Variants in NIPAL3 observed in about 807,000 individuals in gnomAD.
NIPAL3 encodes the protein NIPA-like protein 3.
Under a neutral mutation model 47.2 loss-of-function variants are expected in NIPAL3, and 41 were observed. That is an observed-to-expected ratio of 0.87 (90% CI 0.68 to 1.13). The LOEUF (loss-of-function observed/expected upper bound fraction) is 1.13. Among genes scored for constraint, NIPAL3 ranks in the 50% most tolerant of loss-of-function variants. The pLI is 0.00. For synonymous variants in NIPAL3, 194 were observed against 209.6 expected (o/e 0.93, Z 0.64); for missense variants, 449 against 530.1 (o/e 0.85, Z 1.50).
At chr1:24,467,572 A>G (rs1488648195) in intron 11 of NIPAL3, among the ~76,000 whole-genome samples, 1 of 152,238 alleles carries the variant, frequency 6.6e-6, no homozygotes, top group Non-Finnish European at 1.5e-5. Flanking sequence ...GATCCCAGGC[A>G]AATTACATGC....
intron 8 of NIPAL3, 26 bp from the exon 9 acceptor site, chr1:24,458,862 C>G (rs368503913): frequency 8.8e-6 from 14 of 1,596,236 alleles, no homozygotes; most frequent in African/African-American, 4.0e-5. Flanking sequence ...CCACAGCCCA[C>G]TGACTGGAGT....
At chr1:24,467,916 C>T (rs1184841270) in intron 11 of NIPAL3, among the ~76,000 whole-genome samples, 2 of 152,188 alleles carry the variant, frequency 1.3e-5, no homozygotes, top group Non-Finnish European at 2.9e-5. Flanking sequence ...TAGATGTCAG[C>T]TGTTATTATC....
chr1:24,419,653 T>C lies in NIPAL3; in HGVS notation c.93+13T>C, dbSNP rs896205168. The C allele has an allele frequency of 1.9e-6, 3 of 1,611,250 alleles. No homozygotes were observed. The highest frequency in any genetic ancestry group is 2.2e-5 in the East Asian group (1 of 44,848). On this transcript the variant is annotated intron_variant, in intron 2 of 11. Coordinates refer to ENST00000374399, the MANE Select transcript of NIPAL3 (RefSeq NM_020448.5). ...CTTCTCCTACAAGGCAAGGGCTTTT[T>C]TGGGGTTTGGGAATTTGTATTTTCC...
rs778104359 is a variant in NIPAL3 at position 24,419,630 on chromosome 1, TCTC to T, written c.86_88del (p.Ser29del). 5 of 1,613,826 alleles carry T rather than the reference TCTC, an allele frequency of 3.1e-6. No individual in the cohort carries two copies. In the South Asian group the frequency reaches 4.4e-5, roughly 14 times the overall value. On this transcript the variant is annotated inframe_deletion, in exon 2 of 12. Coordinates refer to ENST00000374399, the MANE Select transcript of NIPAL3 (RefSeq NM_020448.5). The stretch of plus-strand genomic sequence containing the variant: ...TCCAGCGCCGTAAGCGAGGCCTCCT[TCTC>T]CTACAAGGCAAGGGCTTTTTTGGGG...
At chr1:24,466,160 C>T in intron 11 of NIPAL3, 1 of 1,482,994 alleles carries the variant, frequency 6.7e-7, no homozygotes, top group Non-Finnish European at 9.2e-7. Context: ...AGGAACTAGC[C>T]TGGCACTCTC....
At position 24,416,756 on chromosome 1, in the gene NIPAL3, A is replaced by G. The variant is rs1006117222; in HGVS notation, c.-258+852A>G. On this transcript the variant is annotated intron_variant, in intron 1 of 11. Coordinates refer to ENST00000374399, the MANE Select transcript of NIPAL3 (RefSeq NM_020448.5). This position sits in a 1 kb window ranked among gnomAD's most constrained non-coding sequence, Gnocchi z 4.8. ...TCTTATAAGGGAGTACAGCTTGCAA[A>G]GGGTTCCTCCAGGCTTTCAGTCCGG... 6.6e-6 allele frequency: 1 copy of G among 152,204 alleles called. No homozygotes were observed. Among genetic ancestry groups the G allele is most frequent in the African/African-American group, 2.4e-5 (1 of 41,430 alleles). 9.4% of individuals were successfully genotyped at this position (152,204 alleles called of 1,614,324 possible). A position where few individuals can be genotyped will look rare whatever the true frequency, so the allele number is the denominator to read the frequency against.
Position 24,415,816 on chromosome 1 carries a change from TGAA to T in NIPAL3, c.-344_-342del. 2 of 984,222 alleles carry T rather than the reference TGAA, an allele frequency of 2.0e-6. No homozygotes were observed. Among genetic ancestry groups the T allele is most frequent in the Non-Finnish European group, 2.4e-6 (2 of 828,826 alleles). The allele number at this position is 984,222 out of a possible 1,614,324, so 61.0% of individuals were successfully genotyped here. ...TTGGCAGCTCTGAATTGGGAAGGGA[TGAA>T]GGAGGCTGTGCCTCCGGGTTGCACG... On this transcript the variant is annotated 5_prime_UTR_variant, in exon 1 of 12. Coordinates refer to ENST00000374399, the MANE Select transcript of NIPAL3 (RefSeq NM_020448.5).
At chr1:24,447,974 T>C (rs1645751304) in intron 5 of NIPAL3, among the ~76,000 whole-genome samples, 1 of 152,258 alleles carries the variant, frequency 6.6e-6, no homozygotes. Context: ...AGACCTGTGT[T>C]GGACGCTGCA....
At position 24,465,877 on chromosome 1, in the gene NIPAL3, G is replaced by C. The variant is rs1451091571; in HGVS notation, c.1021+1757G>C. On this transcript the variant is annotated intron_variant, in intron 11 of 11. Coordinates refer to ENST00000374399, the MANE Select transcript of NIPAL3 (RefSeq NM_020448.5). Reference sequence around the variant, plus strand: ...AAACCTTTGGAAGTTTCACACACTTGTTTGACCTGGTGGCAGGTAGAACAT... The same window carrying C: ...AAACCTTTGGAAGTTTCACACACTTCTTTGACCTGGTGGCAGGTAGAACAT... 2.2e-6 allele frequency: 3 copies of C among 1,371,928 alleles called. No individual in the cohort carries two copies. The Admixed American group carries it at 9.4e-5, about 43-fold the overall frequency. The allele number at this position is 1,371,928 out of a possible 1,614,324, so 85.0% of individuals were successfully genotyped here.
intron 2 of NIPAL3, among the ~76,000 whole-genome samples, chr1:24,430,268 G>A (rs1644818658): frequency 6.8e-6 from 1 of 146,112 alleles, no homozygotes; most frequent in African/African-American, 2.6e-5. Context: ...TTGAGACAGA[G>A]TCTCACTCTT....
chr1:24,466,872 T>TG (rs976719905), intron 11 of NIPAL3, among the ~76,000 whole-genome samples: 12 of 152,188 alleles, frequency 7.9e-5, no homozygotes, highest in Admixed American at 5.2e-4. Context: ...ACTCTTAAAC[T>TG]GTGCCCTTCA....
chr1:24,437,361 A>T (rs181477675), intron 2 of NIPAL3, among the ~76,000 whole-genome samples: 1 of 152,224 alleles, frequency 6.6e-6, no homozygotes. Flanking sequence ...TTTGAATAAC[A>T]TATTTCTTTT....
chr1:24,436,788 C>G (rs371030649), intron 2 of NIPAL3, among the ~76,000 whole-genome samples: 2 of 151,912 alleles, frequency 1.3e-5, no homozygotes, highest in Non-Finnish European at 2.9e-5. Flanking sequence ...CGTGAGCCAC[C>G]GCGCCCAGCC....
At chr1:24,435,803 G>A (rs1314656207) in intron 2 of NIPAL3, among the ~76,000 whole-genome samples, 1 of 152,318 alleles carries the variant, frequency 6.6e-6, no homozygotes, top group African/African-American at 2.4e-5. Context: ...AGTCCCAACA[G>A]GGGAGTTGAG....
At position 24,456,238 on chromosome 1, in the gene NIPAL3, C is replaced by T. The variant is rs756410628; in HGVS notation, c.738C>T (p.Phe246=). 1.9e-6 allele frequency: 3 copies of T among 1,614,096 alleles called. No individual in the cohort carries two copies. The highest frequency in any genetic ancestry group is 1.1e-5 in the South Asian group (1 of 91,080). ...ACTACCCCATCTTCTACGTGATGTT[C>T]GTGTGCATGGTGGCAACCGCCGTCT... The part of the protein sequence containing the change: ...QLDYPIFYVM[F]VCMVATAVYQ... Residue 246 remains phenylalanine (F), a synonymous_variant, in exon 8 of 12, where the codon TTC becomes TTT. Transcript: ENST00000374399.
intron 2 of NIPAL3, among the ~76,000 whole-genome samples, chr1:24,429,942 G>T (rs142817275): frequency 6.6e-6 from 1 of 152,150 alleles, no homozygotes. Context: ...GTTCAGAAGA[G>T]TTTATTTATT....
At chr1:24,422,870 C>G (rs1644395286) in intron 2 of NIPAL3, among the ~76,000 whole-genome samples, 1 of 152,342 alleles carries the variant, frequency 6.6e-6, no homozygotes, top group African/African-American at 2.4e-5. Context: ...CTTTTCCTAT[C>G]TAGCCTTTTT....
intron 9 of NIPAL3, among the ~76,000 whole-genome samples, chr1:24,459,798 C>T (rs371742061): frequency 2.0e-5 from 3 of 152,188 alleles, no homozygotes; most frequent in Non-Finnish European, 4.4e-5. Context: ...GGTCAAGAAG[C>T]GTGAAGTCCA....
rs56978150 is a variant in NIPAL3, at chr1:24,454,031, CTTT to C, written c.637+540_637+542del. On this transcript the variant is annotated intron_variant, in intron 7 of 11. Transcript: ENST00000374399. The surrounding 1 kb of genome is among the most constrained non-coding windows in gnomAD (Gnocchi z 4.1). ...GGCTAGAACTGCATATTAATTTTTC[CTTT>C]TTTTTTTTTTTTGAGACAGTCTTGC... 1.6e-3 allele frequency: 694 copies of C among 439,846 alleles called. No individual in the cohort carries two copies. Among genetic ancestry groups the C allele is most frequent in the Admixed American group, 2.2e-3 (79 of 36,162 alleles). The allele number at this position is 439,846 out of a possible 1,614,324, so 27.2% of individuals were successfully genotyped here.
Sources: gnomAD v4.1 joint callset for allele counts (sites outside exome capture counted in the v4.1 genomes callset) on GRCh38, gnomAD v4.1.1 for gene constraint, Gnocchi (gnomAD v3.1) non-coding constraint, MANE v1.5 for transcripts, NCBI Gene and HGNC (gene_info 2026-07-23, HGNC 2026-07-21) for gene names.